SCLY: variants seen among roughly 807,000 people sequenced by gnomAD.
SCLY encodes the protein putative selenocysteine lyase.
In SCLY, 38 loss-of-function variants were observed where a neutral mutation model predicts 50.1. The ratio of observed to expected loss-of-function variants is 0.76; its 90% CI spans 0.59 to 0.99. SCLY has a LOEUF of 0.99. Ranked by LOEUF, SCLY falls within the 50% of genes least tolerant of loss-of-function variation. The pLI, the probability that SCLY is intolerant of heterozygous loss-of-function variation, is 0.00. For synonymous variants in SCLY, 243 were observed against 249.4 expected, an observed-to-expected ratio of 0.97 and a Z score of 0.24; for missense variants, 600 against 620.0, an observed-to-expected ratio of 0.97 and a Z score of 0.34.
Position 238,098,579 on chromosome 2 carries a change from GA to G in SCLY, c.*225del. On this transcript the variant is annotated 3_prime_UTR_variant, in exon 12 of 12. Transcript: ENST00000254663. ...ACGCCGCATAGGACTGCCCACATGG[GA>G]CCGCCCACATAGGACCGCCCACATA... 1 of 394,176 alleles carries G rather than the reference GA, an allele frequency of 2.5e-6. No homozygotes were observed. The highest frequency in any genetic ancestry group is 4.2e-6 in the Non-Finnish European group (1 of 236,140). 24.4% of individuals were successfully genotyped at this position (394,176 alleles called of 1,614,324 possible).
intron 7 of SCLY, among the ~76,000 whole-genome samples, chr2:238,085,096 C>T (rs775999275): frequency 3.9e-5 from 6 of 151,986 alleles, no homozygotes; most frequent in Non-Finnish European, 5.9e-5. Flanking sequence ...AGAAAGATTT[C>T]AAATTGAATG....
At chr2:238,092,057 T>C (rs940046509) in intron 8 of SCLY, 1 of 152,278 alleles carries the variant, frequency 6.6e-6, no homozygotes, top group African/African-American at 2.4e-5. Flanking sequence ...TTATTAACAG[T>C]GATAACTGTG....
chr2:238,063,247 T>G (rs575297421), intron 1 of SCLY, among the ~76,000 whole-genome samples: 3 of 143,272 alleles, frequency 2.1e-5, no homozygotes, highest in African/African-American at 7.4e-5. Flanking sequence ...GTTTGTTTTT[T>G]TTGTTGTTGT....
At chr2:238,091,531 TG>T in intron 8 of SCLY, 1 of 394,928 alleles carries the variant, frequency 2.5e-6, no homozygotes, top group Non-Finnish European at 4.6e-6. Context: ...AGAGGTGAAG[TG>T]TCAAGCTGCA....
In SCLY at chr2:238,093,887, C is replaced by A. The variant is rs377292643; in HGVS notation, c.948C>A (p.Cys316Ter). 9 of 1,613,984 alleles carry A rather than the reference C, an allele frequency of 5.6e-6. No homozygotes were observed. Among genetic ancestry groups the A allele is most frequent in the African/African-American group, 1.3e-5 (1 of 75,050 alleles). ...CCGCGGAGCTGGTGACCCAGAACTG[C>A]GAGGCTTATGAGGCCCACATGAGGG... is the stretch of plus-strand genomic sequence containing the variant. ...GKAAELVTQN[C>*]EAYEAHMRDV... The change falls in exon 9 of 12, where the codon TGC becomes TGA. Residue 316 changes from cysteine to a stop codon, truncating the protein, a stop_gained. Coordinates refer to ENST00000254663, the MANE Select transcript of SCLY (RefSeq NM_016510.7). LOFTEE classifies it high-confidence loss of function.
rs2065257259 is a variant in SCLY at position 238,083,294 on chromosome 2, A to G, written c.824A>G (p.Glu275Gly). The change falls in exon 7 of 12, where the codon GAA (glutamate) becomes GGA (glycine). Residue 275 changes from glutamate to glycine, a missense_variant. Transcript: ENST00000254663. This position sits in a 1 kb window ranked among gnomAD's most constrained non-coding sequence, Gnocchi z 4.3. Reference protein sequence around the residue: ...IGALYIRGLGEFTPLYPMLFG... With the variant: ...IGALYIRGLGGFTPLYPMLFG... ...GCACTTTATATACGAGGACTTGGTG[A>G]ATTTACCCCTCTCTACCCTATGCTA... 3.1e-6 allele frequency: 5 copies of G among 1,614,082 alleles called. No homozygotes were observed. In the African/African-American group the frequency reaches 6.7e-5, roughly 22 times the overall value.
In SCLY at chr2:238,069,634, G is replaced by A; in HGVS notation, c.484+157G>A. On this transcript the variant is annotated intron_variant, in intron 4 of 11. Transcript: ENST00000254663. This position sits in a 1 kb window ranked among gnomAD's most constrained non-coding sequence, Gnocchi z 5.0. ...GGTTCTGATGAGGAGGCAGGCCCTG[G>A]CACCTTGGTGAATAGTTGCCCCTCA... The A allele has an allele frequency of 1.5e-6, 1 of 656,774 alleles. No homozygotes were observed. The highest frequency in any genetic ancestry group is 2.4e-6 in the Non-Finnish European group (1 of 415,332). The allele number at this position is 656,774 out of a possible 1,614,324, so 40.7% of individuals were successfully genotyped here.
chr2:238,061,446 A>C, intron 1 of SCLY: 2 of 503,820 alleles, frequency 4.0e-6, no homozygotes. Context: ...GCAGATGCGA[A>C]GGGCAGGGGA....
chr2:238,089,041 CCTAGAA>C (rs2065332722), intron 7 of SCLY, among the ~76,000 whole-genome samples: 1 of 152,132 alleles, frequency 6.6e-6, no homozygotes, highest in Admixed American at 6.6e-5. Flanking sequence ...CAAGAAAACT[CCTAGAA>C]CTAATAAGTG....
intron 8 of SCLY, chr2:238,091,551 A>ATCCTC: frequency 4.5e-5 from 18 of 404,464 alleles, no homozygotes; most frequent in Admixed American, 1.5e-4. Flanking sequence ...CAGGTTCACC[A>ATCCTC]TTCCCAAAGG....
Position 238,083,319 on chromosome 2 carries a change from ATTT to A in SCLY, c.850_852del (p.Phe284del), listed in dbSNP as rs2065257602. Reference sequence around the variant, plus strand: ...AATTTACCCCTCTCTACCCTATGCTATTTGGAGGTGGACAAGAACGGAATTTCA... The same window carrying A: ...AATTTACCCCTCTCTACCCTATGCTAGGAGGTGGACAAGAACGGAATTTCA... On this transcript the variant is annotated inframe_deletion, in exon 7 of 12. Coordinates refer to ENST00000254663, the MANE Select transcript of SCLY (RefSeq NM_016510.7). The surrounding 1 kb of genome is among the most constrained non-coding windows in gnomAD (Gnocchi z 4.3). The A allele has an allele frequency of 1.2e-6, 2 of 1,613,770 alleles. No individual in the cohort carries two copies. Among genetic ancestry groups the A allele is most frequent in the African/African-American group, 2.7e-5 (2 of 74,906 alleles).
At chr2:238,094,211 T>A in intron 9 of SCLY, 1 of 612,338 alleles carries the variant, frequency 1.6e-6, no homozygotes, top group Non-Finnish European at 2.9e-6. Context: ...TCATGGTTTA[T>A]GTGGAAGGTT....
chr2:238,067,883 C>T lies in SCLY; in HGVS notation c.203-182C>T, dbSNP rs1181337989. On this transcript the variant is annotated intron_variant, in intron 2 of 11. Transcript: ENST00000254663. The surrounding 1 kb of genome is among the most constrained non-coding windows in gnomAD (Gnocchi z 4.3). ...GGTCCCTGGTTCGCTGCTGTCTCGGCCGCCCCTTTGCCGGGTTGTGTCTAG... is the reference window on the plus strand; with the variant it reads ...GGTCCCTGGTTCGCTGCTGTCTCGGTCGCCCCTTTGCCGGGTTGTGTCTAG... 1.3e-5 allele frequency among the ~76,000 whole-genome samples: 2 copies of T among 152,202 alleles called. No individual in the cohort carries two copies. Among genetic ancestry groups the T allele is most frequent in the African/African-American group, 4.8e-5 (2 of 41,434 alleles).
rs931405245 is a variant in SCLY at position 238,083,906 on chromosome 2, C to T, written c.884+552C>T. 3.0e-4 allele frequency among the ~76,000 whole-genome samples: 46 copies of T among 152,166 alleles called. No individual in the cohort carries two copies. The highest frequency in any genetic ancestry group is 9.4e-4 in the African/African-American group (39 of 41,432). The stretch of plus-strand genomic sequence containing the variant: ...ATCCCACACTTAGTGCTGAAGAAGC[C>T]GGCAAACCTGATATGCTAGTAAGGG... On this transcript the variant is annotated intron_variant, in intron 7 of 11. Transcript: ENST00000254663. This position sits in a 1 kb window ranked among gnomAD's most constrained non-coding sequence, Gnocchi z 4.3.
At chr2:238,062,513 G>A (rs1400520668) in intron 1 of SCLY, among the ~76,000 whole-genome samples, 4 of 151,918 alleles carry the variant, frequency 2.6e-5, no homozygotes, top group Admixed American at 2.0e-4. Context: ...GGGTTCAAAC[G>A]ATTCTCCTGT....
Position 238,066,809 on chromosome 2 carries a change from A to G in SCLY, c.203-1256A>G, listed in dbSNP as rs1309178190. ...TGAGACTGGGTAATTTATAAAGGAA[A>G]GAGGTTTAATTGACTCACAGTTTCC... On this transcript the variant is annotated intron_variant, in intron 2 of 11. Coordinates refer to ENST00000254663, the MANE Select transcript of SCLY (RefSeq NM_016510.7). The surrounding 1 kb of genome is among the most constrained non-coding windows in gnomAD (Gnocchi z 4.1). Among the ~76,000 whole-genome samples the G allele has an allele frequency of 2.0e-5, 3 of 152,230 alleles. No individual in the cohort carries two copies. Among genetic ancestry groups the G allele is most frequent in the African/African-American group, 7.2e-5 (3 of 41,458 alleles).
At chr2:238,088,138 C>T (rs2065319441) in intron 7 of SCLY, among the ~76,000 whole-genome samples, 1 of 152,070 alleles carries the variant, frequency 6.6e-6, no homozygotes. Context: ...GGCATTTATT[C>T]CACAGATGCA....
intron 11 of SCLY, among the ~76,000 whole-genome samples, chr2:238,097,948 G>C (rs2065457181): frequency 6.6e-6 from 1 of 152,202 alleles, no homozygotes; most frequent in African/African-American, 2.4e-5. Context: ...GCGAGAGGGA[G>C]GCAGTGTCAC....
rs750015928 is a variant in SCLY, at chr2:238,067,843, A to G, written c.203-222A>G. ...ACTTGTTTCTGGGTCTCATGGAGTT[A>G]ATAACTCTCAGTTTGGTCCCTGGTT... On this transcript the variant is annotated intron_variant, in intron 2 of 11. Transcript: ENST00000254663. This position sits in a 1 kb window ranked among gnomAD's most constrained non-coding sequence, Gnocchi z 4.3. Among the ~76,000 whole-genome samples the G allele has an allele frequency of 6.6e-6, 1 of 152,128 alleles. No individual in the cohort carries two copies. The highest frequency in any genetic ancestry group is 1.5e-5 in the Non-Finnish European group (1 of 68,010).
Sources: allele counts gnomAD v4.1 joint callset (sites outside exome capture counted in the v4.1 genomes callset), GRCh38; gene constraint gnomAD v4.1.1; non-coding constraint Gnocchi (gnomAD v3.1); transcripts MANE v1.5; gene names NCBI Gene and HGNC (gene_info 2026-07-23, HGNC 2026-07-21).